Variants in DOCK9 observed in about 807,000 individuals in gnomAD.
DOCK9 encodes the protein dedicator of cytokinesis 9.
Under a neutral mutation model 263.3 loss-of-function variants are expected in DOCK9, and 89 were observed. The ratio of observed to expected loss-of-function variants is 0.34; its 90% CI spans 0.28 to 0.40. The LOEUF is 0.40. Ranked by LOEUF, DOCK9 falls within the 10% of genes least tolerant of loss-of-function variation. The pLI is 1.00. For missense variants in DOCK9, 2,140 were observed against 2,603.4 expected (o/e 0.82, Z 3.87); for synonymous variants, 976 against 973.1 (o/e 1.00, Z -0.06).
chr13:98,806,170 C>A (rs2090682300), intron 48 of DOCK9, among the ~76,000 whole-genome samples: 1 of 152,228 alleles, frequency 6.6e-6, no homozygotes, highest in Non-Finnish European at 1.5e-5. Context: ...CATTAATCTA[C>A]AGACAGCTGA....
chr13:98,923,465 A>C, intron 4 of DOCK9, 94 bp from the exon 5 acceptor site: 1 of 987,728 alleles, frequency 1.0e-6, no homozygotes, highest in Middle Eastern at 2.1e-4. Context: ...GGCCTTTACT[A>C]AATCCAAAGA....
rs1303520872 is a variant in DOCK9 at position 98,803,020 on chromosome 13, G to A, written c.5725+1979C>T. Among the ~76,000 whole-genome samples, 6 of 152,196 alleles carry A rather than the reference G, an allele frequency of 3.9e-5. No individual in the cohort carries two copies. In the South Asian group the frequency reaches 1.2e-3, roughly 32 times the overall value. Reference sequence around the variant, plus strand: ...TGCATTTTACAGATGAGGAAACTAAGGCATAGAGAGGAAGAGTGACCTGCC... The same window carrying A: ...TGCATTTTACAGATGAGGAAACTAAAGCATAGAGAGGAAGAGTGACCTGCC... On this transcript the variant is annotated intron_variant, in intron 49 of 52. Transcript: ENST00000682017.
chr13:98,983,620 A>ATTT (rs543813568), intron 1 of DOCK9, among the ~76,000 whole-genome samples: 3 of 143,938 alleles, frequency 2.1e-5, no homozygotes, highest in Non-Finnish European at 1.5e-5. Flanking sequence ...TATTATTATT[A>ATTT]TTATTTTTTT....
At chr13:98,959,885 CTG>C (rs1292656544) in intron 1 of DOCK9, among the ~76,000 whole-genome samples, 1 of 152,192 alleles carries the variant, frequency 6.6e-6, no homozygotes, top group Non-Finnish European at 1.5e-5. Flanking sequence ...CTTTTTTAAA[CTG>C]TGATTCACTG....
chr13:98,883,074 C>A lies in DOCK9; in HGVS notation c.2527G>T (p.Ala843Ser). ...YCQKTESGAQ[A>S]LGNELVKYLK... Reference sequence around the variant, plus strand: ...TACTTTACAAGTTCGTTTCCTAAGGCTTGGGCTCCAGATTCGGTTTTCTGA... The same window carrying A: ...TACTTTACAAGTTCGTTTCCTAAGGATTGGGCTCCAGATTCGGTTTTCTGA... The change falls in exon 23 of 53, where the codon GCC (alanine) becomes TCC (serine). Residue 843 changes from alanine to serine, a missense_variant. Physicochemically the swap from Ala to Ser is moderately conservative, Grantham distance 99. This residue lies in a region of DOCK9 where 1,521 missense variants were observed against 1,741.7 expected (regional missense o/e 0.87). Coordinates refer to ENST00000682017, the MANE Select transcript of DOCK9 (RefSeq NM_001366683.2). The A allele has an allele frequency of 1.2e-6, 2 of 1,613,886 alleles. No homozygotes were observed. Among genetic ancestry groups the A allele is most frequent in the Non-Finnish European group, 1.7e-6 (2 of 1,179,858 alleles).
intron 38 of DOCK9, among the ~76,000 whole-genome samples, chr13:98,843,548 G>A (rs909503697): frequency 1.1e-4 from 17 of 152,182 alleles, no homozygotes; most frequent in African/African-American, 1.7e-4. Context: ...AACAACTTAG[G>A]AGATAACAGA....
chr13:98,917,231 AT>A (rs1260189024), intron 7 of DOCK9, among the ~76,000 whole-genome samples: 1 of 152,244 alleles, frequency 6.6e-6, no homozygotes, highest in Non-Finnish European at 1.5e-5. Flanking sequence ...AAACTCTCTT[AT>A]AAAACAAAAA....
chr13:98,807,920 G>A (rs1328693027), intron 47 of DOCK9, 113 bp from the exon 48 acceptor site: 2 of 796,976 alleles, frequency 2.5e-6, no homozygotes, highest in East Asian at 5.6e-5. Context: ...TAAAAATCCT[G>A]CTGAAATGGG....
chr13:99,058,710 A>G (rs1189266178), intron 1 of DOCK9, among the ~76,000 whole-genome samples: 1 of 152,174 alleles, frequency 6.6e-6, no homozygotes, highest in Non-Finnish European at 1.5e-5. Context: ...TGTAGAAGGT[A>G]ACAGAGCCAA....
chr13:98,812,853 C>T (rs1331477846), intron 45 of DOCK9, among the ~76,000 whole-genome samples: 6 of 152,112 alleles, frequency 3.9e-5, no homozygotes, highest in Non-Finnish European at 5.9e-5. Context: ...AGCTAATGAC[C>T]TGCATATTTT....
At chr13:98,812,635 T>C (rs1431295618) in intron 45 of DOCK9, among the ~76,000 whole-genome samples, 1,010 of 150,066 alleles carry the variant, frequency 6.7e-3, no homozygotes, top group African/African-American at 0.024. Context: ...ATGACTAGGG[T>C]GATTACACTA....
At chr13:98,940,997 T>C (rs564579651) in intron 2 of DOCK9, among the ~76,000 whole-genome samples, 2 of 152,294 alleles carry the variant, frequency 1.3e-5, no homozygotes, top group Middle Eastern at 3.4e-3. Flanking sequence ...GAAGACCTTT[T>C]GTGACCAACC....
chr13:98,801,443 A>G (rs1270683532), intron 49 of DOCK9, among the ~76,000 whole-genome samples: 1 of 152,208 alleles, frequency 6.6e-6, no homozygotes, highest in Non-Finnish European at 1.5e-5. Context: ...ATAAGAAATA[A>G]AAATAAAAAT....
At chr13:98,989,635 G>C (rs984380674) in intron 1 of DOCK9, among the ~76,000 whole-genome samples, 1 of 152,094 alleles carries the variant, frequency 6.6e-6, no homozygotes, top group Non-Finnish European at 1.5e-5. Flanking sequence ...CACATATGAG[G>C]GTATTTGGCT....
chr13:99,040,742 G>A (rs948702334), intron 1 of DOCK9, among the ~76,000 whole-genome samples: 15 of 152,152 alleles, frequency 9.9e-5, no homozygotes, highest in Admixed American at 3.3e-4. Context: ...GAGAAATTAG[G>A]AGGGAGGGAG....
At chr13:98,979,794 T>C (rs1407351889), upstream of DOCK9, among the ~76,000 whole-genome samples, 1 of 151,660 alleles carries the variant, frequency 6.6e-6, no homozygotes, top group African/African-American at 2.4e-5. Flanking sequence ...ACCTATAGAG[T>C]CGAAATTATA....
upstream of DOCK9, among the ~76,000 whole-genome samples, chr13:99,087,035 C>T (rs2042363841): frequency 6.6e-6 from 1 of 152,030 alleles, no homozygotes; most frequent in Non-Finnish European, 1.5e-5. Context: ...GGTCGGAGCT[C>T]GGTGCACCAC....
At chr13:98,996,743 A>C (rs527397238) in intron 1 of DOCK9, among the ~76,000 whole-genome samples, 1 of 152,316 alleles carries the variant, frequency 6.6e-6, no homozygotes, top group African/African-American at 2.4e-5. Flanking sequence ...GGCCCAGGAC[A>C]ATTCTTCTTC....
chr13:98,820,731 CT>C lies in DOCK9; in HGVS notation c.5130+3666del, dbSNP rs1174190173. On this transcript the variant is annotated intron_variant, in intron 45 of 52. Transcript: ENST00000682017. Reference sequence around the variant, plus strand: ...AAGAAAAATCAGGAACGCCTTTCTTCTCCAGATATTGAGATATCTAGACACT... The same window carrying C: ...AAGAAAAATCAGGAACGCCTTTCTTCCCAGATATTGAGATATCTAGACACT... The C allele has an allele frequency of 1.5e-5, 6 of 401,298 alleles. No homozygotes were observed. In the East Asian group the frequency reaches 4.9e-4, roughly 33 times the overall value. 24.9% of individuals were successfully genotyped at this position (401,298 alleles called of 1,614,324 possible).
Sources: gnomAD v4.1 joint callset for allele counts (sites outside exome capture counted in the v4.1 genomes callset) on GRCh38, gnomAD v4.1.1 for gene constraint, gnomAD v4.1.1 regional missense constraint, MANE v1.5 for transcripts, NCBI Gene and HGNC (gene_info 2026-07-23, HGNC 2026-07-21) for gene names.